NAV3: variants seen among roughly 807,000 people sequenced by gnomAD.
NAV3 encodes neuron navigator 3.
In NAV3, 87 loss-of-function variants were observed where a neutral mutation model predicts 244.7. The ratio of observed to expected loss-of-function variants is 0.36; its 90% CI spans 0.30 to 0.42. NAV3 has a LOEUF of 0.42. NAV3 is among the 20% of genes least tolerant of loss of function. The pLI, the probability that NAV3 is intolerant of heterozygous loss-of-function variation, is 1.00. For synonymous variants in NAV3, 1,126 were observed against 1,042.2 expected (o/e 1.08, Z -1.55); for missense variants, 2,663 against 2,893.3 (o/e 0.92, Z 1.83).
chr12:77,618,382 C>T (rs1871225300), intron 2 of NAV3, among the ~76,000 whole-genome samples: 1 of 152,158 alleles, frequency 6.6e-6, no homozygotes, highest in Non-Finnish European at 1.5e-5. Flanking sequence ...TAGATAGGCA[C>T]TACTAAAACA....
chr12:77,931,107 T>TC (rs1248531449), intron 1 of NAV3, among the ~76,000 whole-genome samples: 1 of 152,154 alleles, frequency 6.6e-6, no homozygotes, highest in East Asian at 1.9e-4. Context: ...GAACTAGTAT[T>TC]TTTTTGACAC....
chr12:78,105,725 CA>C (rs1482887281), intron 12 of NAV3, among the ~76,000 whole-genome samples: 3 of 151,706 alleles, frequency 2.0e-5, no homozygotes, highest in Admixed American at 1.3e-4. Flanking sequence ...GTAAAAAAAA[CA>C]AAAGGTTTCT....
chr12:78,112,512 G>A (rs918569049), intron 12 of NAV3, among the ~76,000 whole-genome samples: 12 of 152,100 alleles, frequency 7.9e-5, no homozygotes, highest in African/African-American at 2.7e-4. Context: ...AAGCACACAT[G>A]TCCTTCACAT....
intron 12 of NAV3, among the ~76,000 whole-genome samples, chr12:78,079,182 C>G (rs991205669): frequency 1.3e-5 from 2 of 152,174 alleles, no homozygotes; most frequent in Non-Finnish European, 2.9e-5. Flanking sequence ...CCATTGAGTC[C>G]TACATCCTGC....
At chr12:78,010,328 T>C (rs1875046664) in intron 8 of NAV3, among the ~76,000 whole-genome samples, 1 of 152,188 alleles carries the variant, frequency 6.6e-6, no homozygotes, top group African/African-American at 2.4e-5. Flanking sequence ...CCCTGACAAT[T>C]ATTTTTGGAG....
At chr12:77,609,157 G>A (rs573307259) in intron 2 of NAV3, among the ~76,000 whole-genome samples, 2 of 151,946 alleles carry the variant, frequency 1.3e-5, no homozygotes, top group African/African-American at 4.8e-5. Context: ...CAGATGATTT[G>A]TGTACAATTC....
At chr12:77,677,268 T>C (rs770682152) in intron 2 of NAV3, among the ~76,000 whole-genome samples, 1 of 152,214 alleles carries the variant, frequency 6.6e-6, no homozygotes, top group Non-Finnish European at 1.5e-5. Context: ...TATGAAATGG[T>C]CTCAGTTTAT....
intron 20 of NAV3, 89 bp downstream of exon 20, chr12:78,140,423 C>A: frequency 8.8e-7 from 1 of 1,136,718 alleles, no homozygotes; most frequent in Non-Finnish European, 1.3e-6. Flanking sequence ...AGATCACATT[C>A]ATCTATGACT....
At chr12:77,820,800 A>G (rs969972584) in intron 2 of NAV3, among the ~76,000 whole-genome samples, 5 of 152,126 alleles carry the variant, frequency 3.3e-5, no homozygotes, top group Admixed American at 2.6e-4. Flanking sequence ...ATGTAATTTT[A>G]TGTTGCTGCC....
At chr12:78,195,783 C>T (rs76896409) in intron 34 of NAV3, among the ~76,000 whole-genome samples, 12,512 of 152,038 alleles carry the variant, frequency 0.082, 666 homozygotes, top group Non-Finnish European at 0.13. Flanking sequence ...AAATCTCTTC[C>T]CTTGACTTCT....
chr12:77,779,072 G>T (rs951833096), intron 2 of NAV3, among the ~76,000 whole-genome samples: 1 of 152,120 alleles, frequency 6.6e-6, no homozygotes, highest in African/African-American at 2.4e-5. Context: ...ATAAATTATT[G>T]GCATCCATAC....
Position 78,122,249 on chromosome 12 carries a change from C to T in NAV3, c.4059C>T (p.Ser1353=), listed in dbSNP as rs2138696890. ...GLVWAANMSS[S]SAGSKDTPSY... is the part of the protein sequence containing the mutation. ...TGTGGGCTGCCAATATGAGCAGTTC[C>T]TCTGCAGGCAGCAAGGATACTCCGA... is the stretch of plus-strand genomic sequence containing the variant. Residue 1353 remains serine, a synonymous_variant, in exon 16 of 40, where the codon TCC becomes TCT. Coordinates refer to ENST00000397909, the MANE Select transcript of NAV3 (RefSeq NM_001024383.2). The T allele has an allele frequency of 1.2e-6, 2 of 1,614,166 alleles. No individual in the cohort carries two copies. Among genetic ancestry groups the T allele is most frequent in the Middle Eastern group, 1.6e-4 (1 of 6,062 alleles).
chr12:77,813,966 A>T (rs987362505), intron 2 of NAV3, among the ~76,000 whole-genome samples: 4 of 152,200 alleles, frequency 2.6e-5, no homozygotes, highest in African/African-American at 9.6e-5. Flanking sequence ...ACTGATACAC[A>T]GAGTAGTGTC....
At chr12:77,587,231 A>T (rs545064496) in intron 2 of NAV3, among the ~76,000 whole-genome samples, 1 of 152,162 alleles carries the variant, frequency 6.6e-6, no homozygotes, top group Non-Finnish European at 1.5e-5. Flanking sequence ...GCTTTCCATG[A>T]TCTCATGGGG....
chr12:77,990,410 C>T (rs1261542320), intron 5 of NAV3, among the ~76,000 whole-genome samples: 1 of 151,512 alleles, frequency 6.6e-6, no homozygotes, highest in Non-Finnish European at 1.5e-5. Flanking sequence ...AATGAAGGAC[C>T]TGGCATCTCA....
intron 11 of NAV3, among the ~76,000 whole-genome samples, 178 bp from the exon 12 acceptor site, chr12:78,058,818 C>A (rs942439751): frequency 3.3e-5 from 5 of 151,838 alleles, no homozygotes; most frequent in Non-Finnish European, 7.4e-5. Flanking sequence ...TCCTAGTAAA[C>A]TTGAAAAAAT....
chr12:77,863,453 T>G (rs1298122695), intron 1 of NAV3, among the ~76,000 whole-genome samples: 2 of 151,854 alleles, frequency 1.3e-5, no homozygotes, highest in Non-Finnish European at 3.0e-5. Context: ...TTTTGAAGTC[T>G]TCATAATTAT....
At chr12:78,099,663 C>A (rs1468385244) in intron 12 of NAV3, among the ~76,000 whole-genome samples, 1 of 151,808 alleles carries the variant, frequency 6.6e-6, no homozygotes, top group Non-Finnish European at 1.5e-5. Context: ...CCTATTTCAA[C>A]TATATAACAG....
intron 2 of NAV3, among the ~76,000 whole-genome samples, chr12:77,618,783 TAGGA>T (rs1282751828): frequency 2.0e-5 from 3 of 152,126 alleles, no homozygotes; most frequent in Non-Finnish European, 4.4e-5. Context: ...AGGAAGAAGA[TAGGA>T]AGGAAGACAA....
Sources: gnomAD v4.1 joint callset for allele counts (sites outside exome capture counted in the v4.1 genomes callset) on GRCh38, gnomAD v4.1.1 for gene constraint, MANE v1.5 for transcripts, NCBI Gene and HGNC (gene_info 2026-07-23, HGNC 2026-07-21) for gene names.